Variants in C9orf78 observed in about 807,000 individuals in gnomAD.
C9orf78 encodes the protein splicing factor C9orf78.
Under a neutral mutation model 37.4 loss-of-function variants are expected in C9orf78, and 19 were observed. The ratio of observed to expected loss-of-function variants is 0.51; its 90% CI spans 0.35 to 0.74. The LOEUF (loss-of-function observed/expected upper bound fraction) is 0.74, where lower values mean the gene tolerates loss of function less well. Among genes scored for constraint, C9orf78 ranks in the 30% least tolerant of loss-of-function variants. C9orf78 has a pLI of 0.01. For missense variants in C9orf78, 291 were observed against 370.8 expected, an observed-to-expected ratio of 0.78 and a Z score of 1.77; for synonymous variants, 130 against 128.0, an observed-to-expected ratio of 1.02 and a Z score of -0.10.
At chr9:129,831,559 G>C (rs1403061200) in intron 5 of C9orf78, 1 of 251,458 alleles carries the variant, frequency 4.0e-6, no homozygotes, top group Non-Finnish European at 7.8e-6. Context: ...CGAGTAGCTG[G>C]GATTACAGGT....
chr9:129,833,570 A>ATTT, intron 3 of C9orf78, 53 bp from the exon 4 acceptor site: 6 of 1,227,314 alleles, frequency 4.9e-6, no homozygotes, highest in South Asian at 2.8e-5. Flanking sequence ...TGGTAGTGGA[A>ATTT]TTTTTTTTTT....
rs773369577 is a variant in C9orf78, at chr9:129,829,485, T to C, written c.599A>G (p.Glu200Gly). Reference protein sequence around the residue: ...TEDAKARLLAEQQNKKKDSET... With the variant: ...TEDAKARLLAGQQNKKKDSET... Reference sequence around the variant, plus strand: ...GCTGTCTTTCTTCTTGTTCTGCTGCTCTGCCAGCAGACGGGCCTTGGCATC... The same window carrying C: ...GCTGTCTTTCTTCTTGTTCTGCTGCCCTGCCAGCAGACGGGCCTTGGCATC... The change falls in exon 7 of 9, where the codon GAG becomes GGG. Residue 200 changes from glutamate to glycine, a missense_variant. By Grantham distance (98) the Glu-to-Gly change is moderately conservative (BLOSUM62 -2). Around this residue, in one of 3 missense-constraint regions of C9orf78, gnomAD observed 120 missense variants for 148.7 expected, o/e 0.81. Coordinates refer to ENST00000372447, the MANE Select transcript of C9orf78 (RefSeq NM_016520.3). 6.2e-7 allele frequency: 1 copy of C among 1,613,036 alleles called. No homozygotes were observed. The highest frequency in any genetic ancestry group is 8.5e-7 in the Non-Finnish European group (1 of 1,179,036).
In C9orf78 at chr9:129,829,477, T is replaced by TCTG. The variant is rs1465889020; in HGVS notation, c.604_606dup (p.Gln202dup). On this transcript the variant is annotated inframe_insertion, in exon 7 of 9. Coordinates refer to ENST00000372447, the MANE Select transcript of C9orf78 (RefSeq NM_016520.3). ...GAGGTCTCGCTGTCTTTCTTCTTGT[T>TCTG]CTGCTGCTCTGCCAGCAGACGGGCC... The TCTG allele has an allele frequency of 6.2e-7, 1 of 1,614,062 alleles. No homozygotes were observed. Among genetic ancestry groups the TCTG allele is most frequent in the East Asian group, 2.2e-5 (1 of 44,884 alleles).
In C9orf78 at chr9:129,833,697, C is replaced by T; in HGVS notation, c.156G>A (p.Leu52=). The change falls in exon 3 of 9, where the codon TTG becomes TTA. Residue 52 remains leucine, a synonymous_variant. Coordinates refer to ENST00000372447, the MANE Select transcript of C9orf78 (RefSeq NM_016520.3). The part of the protein sequence containing the change: ...KRPNGVSAVA[L]LVGEKVQEET... ...CCTCTTGTACCTTCTCTCCCACCAG[C>T]AAGGCCACAGCACTGAGCAAAACCA... The T allele has an allele frequency of 6.2e-7, 1 of 1,611,054 alleles. No individual in the cohort carries two copies. Among genetic ancestry groups the T allele is most frequent in the Non-Finnish European group, 8.5e-7 (1 of 1,178,454 alleles).
chr9:129,829,634 G>A (rs1433600383), intron 6 of C9orf78, 93 bp from the exon 7 acceptor site: 3 of 1,091,504 alleles, frequency 2.7e-6, no homozygotes, highest in Non-Finnish European at 4.1e-6. Flanking sequence ...CAGTACATAA[G>A]AAAATCATGT....
chr9:129,830,687 T>G, intron 6 of C9orf78, 184 bp downstream of exon 6: 1 of 557,234 alleles, frequency 1.8e-6, no homozygotes, highest in Non-Finnish European at 3.2e-6. Flanking sequence ...AATTTTTGTA[T>G]TTTTAGTAGA....
Position 129,827,359 on chromosome 9 carries a change from AAAAC to A in C9orf78, c.*798_*801del, listed in dbSNP as rs922338679. On this transcript the variant is annotated 3_prime_UTR_variant, in exon 9 of 9. Transcript: ENST00000372447. ...CATAGTTTATGCTTTTTTTTTAATG[AAAAC>A]AAACAAGTAATTTTGTAAAAGTCAG... The A allele has an allele frequency of 7.9e-5, 12 of 152,168 alleles. No individual in the cohort carries two copies. Among genetic ancestry groups the A allele is most frequent in the African/African-American group, 2.2e-4 (9 of 41,436 alleles). 9.4% of individuals were successfully genotyped at this position (152,168 alleles called of 1,614,324 possible). A position where few individuals can be genotyped will look rare whatever the true frequency, so the allele number is the denominator to read the frequency against.
In C9orf78 at chr9:129,829,296, A is replaced by G. The variant is rs1190273548; in HGVS notation, c.687T>C (p.His229=). ...TCCGTATGGGCGCGTTGAGCTCCTC[A>G]TGATAAACTGGACCCAAAGAGACCA... ...VNYVQHNRFY[H]EELNAPIRRN... is the part of the protein sequence containing the mutation. Residue 229 remains histidine (H), a synonymous_variant, in exon 8 of 9, where the codon CAT becomes CAC. Transcript: ENST00000372447. 1 of 1,605,714 alleles carries G rather than the reference A, an allele frequency of 6.2e-7. No homozygotes were observed. The highest frequency in any genetic ancestry group is 8.5e-7 in the Non-Finnish European group (1 of 1,175,808).
At chr9:129,834,203 T>C (rs2031607270) in intron 2 of C9orf78, 1 of 182,660 alleles carries the variant, frequency 5.5e-6, no homozygotes, top group Admixed American at 5.7e-5. Flanking sequence ...CACAATGTCA[T>C]AATGAGTTGA....
chr9:129,828,492 C>T (rs967624266), intron 8 of C9orf78: 8 of 314,446 alleles, frequency 2.5e-5, no homozygotes, highest in Non-Finnish European at 4.3e-5. Context: ...GGCATGATCT[C>T]AGCTCACTGC....
intron 1 of C9orf78, 75 bp downstream of exon 1, chr9:129,835,064 A>G (rs911868183): frequency 1.7e-6 from 2 of 1,178,860 alleles, no homozygotes; most frequent in Non-Finnish European, 2.5e-6. Context: ...ATGTCAGCGA[A>G]GCGCCGAGCC....
In C9orf78 at chr9:129,834,538, G is replaced by T. The variant is rs2031628919; in HGVS notation, c.143+169C>A. 6.4e-6 allele frequency: 4 copies of T among 626,488 alleles called. No individual in the cohort carries two copies. The Admixed American group carries it at 8.4e-5, about 13-fold the overall frequency. 38.8% of individuals were successfully genotyped at this position (626,488 alleles called of 1,614,324 possible). A position where few individuals can be genotyped will look rare whatever the true frequency, so the allele number is the denominator to read the frequency against. On this transcript the variant is annotated intron_variant, in intron 2 of 8. Coordinates refer to ENST00000372447, the MANE Select transcript of C9orf78 (RefSeq NM_016520.3). ...CCCGAGACGACACAGCTCAGGGCAT[G>T]TCCTGGTTAAACATTTGCAAAGAAC...
intron 4 of C9orf78, among the ~76,000 whole-genome samples, chr9:129,832,503 A>G (rs1335830799): frequency 6.6e-6 from 1 of 152,160 alleles, no homozygotes; most frequent in Non-Finnish European, 1.5e-5. Flanking sequence ...CAGTGGCGCA[A>G]TCTCAGCTCA....
intron 5 of C9orf78, chr9:129,831,269 T>C (rs1308816127): frequency 1.7e-6 from 1 of 593,590 alleles, no homozygotes; most frequent in African/African-American, 1.9e-5. Context: ...CACTAATCTA[T>C]TGGTGTTATG....
At chr9:129,834,938 C>T in intron 1 of C9orf78, 172 bp from the exon 2 acceptor site, 1 of 667,266 alleles carries the variant, frequency 1.5e-6, no homozygotes, top group Non-Finnish European at 2.6e-6. Context: ...GTCAGAGCCA[C>T]TGCGCATCCC....
intron 2 of C9orf78, 194 bp from the exon 3 acceptor site, chr9:129,833,903 A>G: frequency 1.7e-6 from 1 of 591,654 alleles, no homozygotes; most frequent in South Asian, 2.0e-5. Flanking sequence ...TGCTGGAAGA[A>G]GGGTGCGCTG....
At chr9:129,831,188 A>T (rs2031487495) in intron 5 of C9orf78, 120 bp from the exon 6 acceptor site, 1 of 695,832 alleles carries the variant, frequency 1.4e-6, no homozygotes, top group African/African-American at 1.8e-5. Flanking sequence ...GAAACGAGAA[A>T]AAAAATAACT....
At chr9:129,833,735 AG>A (rs2031585428) in intron 2 of C9orf78, 26 bp from the exon 3 acceptor site, 1 of 1,551,356 alleles carries the variant, frequency 6.4e-7, no homozygotes, top group African/African-American at 1.4e-5. Context: ...AAAAAAAGAG[AG>A]GGGGAGAGAG....
intron 2 of C9orf78, chr9:129,834,325 G>A (rs938762463): frequency 9.2e-6 from 2 of 217,598 alleles, no homozygotes; most frequent in Non-Finnish European, 1.8e-5. Flanking sequence ...ATTCTTGGGT[G>A]GCTCTGCAAG....
Sources: allele counts gnomAD v4.1 joint callset (sites outside exome capture counted in the v4.1 genomes callset), GRCh38; gene constraint gnomAD v4.1.1; regional missense constraint gnomAD v4.1.1; transcripts MANE v1.5; gene names NCBI Gene and HGNC (gene_info 2026-07-23, HGNC 2026-07-21).